The following PLXNC1 variants were observed in gnomAD, a reference collection of about 807,000 sequenced individuals.
PLXNC1 encodes the protein plexin-C1.
PLXNC1 carries 75 observed loss-of-function variants against 178.2 expected under a neutral mutation model. The ratio of observed to expected loss-of-function variants is 0.42; its 90% CI spans 0.35 to 0.51. PLXNC1 has a LOEUF of 0.51. PLXNC1 is among the 20% of genes least tolerant of loss of function. The pLI is 0.02. For synonymous variants in PLXNC1, 790 were observed against 779.9 expected (o/e 1.01, Z -0.22); for missense variants, 1,503 against 1,984.4 (o/e 0.76, Z 4.61).
chr12:94,254,341 T>C, intron 15 of PLXNC1: 1 of 365,568 alleles, frequency 2.7e-6, no homozygotes, highest in South Asian at 2.1e-5. Flanking sequence ...TGTAGCCAAC[T>C]GTGGATCTGC....
At chr12:94,264,062 C>T (rs1001478629) in intron 20 of PLXNC1, among the ~76,000 whole-genome samples, 20 of 152,064 alleles carry the variant, frequency 1.3e-4, no homozygotes, top group African/African-American at 2.4e-4. Flanking sequence ...GCTGGCCTTT[C>T]GTCATCACTA....
At chr12:94,152,271 A>G (rs1960989860) in intron 1 of PLXNC1, among the ~76,000 whole-genome samples, 2 of 152,230 alleles carry the variant, frequency 1.3e-5, no homozygotes, top group Non-Finnish European at 2.9e-5. Flanking sequence ...AGGAGTTTGA[A>G]TGAAAAAGGG....
At chr12:94,175,585 C>T (rs941289867) in intron 2 of PLXNC1, among the ~76,000 whole-genome samples, 2 of 152,142 alleles carry the variant, frequency 1.3e-5, no homozygotes, top group Non-Finnish European at 1.5e-5. Context: ...CATGAGGCTT[C>T]AGGAAGACAT....
At chr12:94,224,043 G>A (rs370140493) in intron 6 of PLXNC1, among the ~76,000 whole-genome samples, 185 bp from the exon 7 acceptor site, 3 of 152,168 alleles carry the variant, frequency 2.0e-5, no homozygotes, top group East Asian at 3.8e-4. Context: ...TGTGCACTTC[G>A]GCTGCCTGAT....
chr12:94,158,396 C>A (rs1435039870), intron 1 of PLXNC1, among the ~76,000 whole-genome samples: 1 of 152,292 alleles, frequency 6.6e-6, no homozygotes, highest in East Asian at 1.9e-4. Context: ...ATGAGACGGG[C>A]AAAGGTGGTT....
At chr12:94,252,783 C>T (rs1964733035) in intron 15 of PLXNC1, among the ~76,000 whole-genome samples, 1 of 152,194 alleles carries the variant, frequency 6.6e-6, no homozygotes, top group South Asian at 2.1e-4. Flanking sequence ...CATATTGTCT[C>T]CACCTAGGCC....
At chr12:94,190,532 C>T (rs760385212) in intron 4 of PLXNC1, among the ~76,000 whole-genome samples, 21 of 152,202 alleles carry the variant, frequency 1.4e-4, no homozygotes, top group Non-Finnish European at 2.5e-4. Flanking sequence ...TGGGCCACCA[C>T]ACCTGGCCAA....
At chr12:94,296,408 G>A (rs1445625039) in intron 24 of PLXNC1, among the ~76,000 whole-genome samples, 1 of 152,154 alleles carries the variant, frequency 6.6e-6, no homozygotes, top group African/African-American at 2.4e-5. Flanking sequence ...CAGTCCTCCT[G>A]CCTTGGCTTC....
chr12:94,192,032 T>C (rs578166229), intron 4 of PLXNC1, among the ~76,000 whole-genome samples: 22 of 152,296 alleles, frequency 1.4e-4, no homozygotes, highest in African/African-American at 4.6e-4. Flanking sequence ...AACCAATGAA[T>C]GGGTGAGGTT....
chr12:94,243,906 G>T, intron 11 of PLXNC1, 32 bp from the exon 12 acceptor site: 1 of 1,150,648 alleles, frequency 8.7e-7, no homozygotes, highest in East Asian at 2.4e-5. Flanking sequence ...TGTTAGCTAT[G>T]AAACCCTTAT....
intron 15 of PLXNC1, among the ~76,000 whole-genome samples, chr12:94,254,296 A>T (rs534101907): frequency 6.6e-6 from 1 of 152,194 alleles, no homozygotes; most frequent in African/African-American, 2.4e-5. Flanking sequence ...CTCGCTCATC[A>T]TGTCACCCCA....
chr12:94,279,657 G>A lies in PLXNC1; in HGVS notation c.3775+8G>A, dbSNP rs1966278240. On this transcript the variant is annotated splice_region_variant and intron_variant, in intron 22 of 30. Coordinates refer to ENST00000258526, the MANE Select transcript of PLXNC1 (RefSeq NM_005761.3). The stretch of plus-strand genomic sequence containing the variant: ...TTAATGAAATTGGTCTTGGTAAGGC[G>A]GTGCGGGAGCTATGTGGTCCCAGGC... The A allele has an allele frequency of 1.2e-6, 2 of 1,613,442 alleles. No individual in the cohort carries two copies. Among genetic ancestry groups the A allele is most frequent in the Admixed American group, 1.7e-5 (1 of 60,006 alleles).
intron 11 of PLXNC1, among the ~76,000 whole-genome samples, chr12:94,240,867 C>G (rs1964368227): frequency 6.6e-6 from 1 of 152,142 alleles, no homozygotes; most frequent in African/African-American, 2.4e-5. Context: ...ATGAGCACAC[C>G]TTTTTCCCTT....
At position 94,237,704 on chromosome 12, in the gene PLXNC1, C is replaced by A; in HGVS notation, c.2021C>A (p.Thr674Lys). Reference sequence around the variant, plus strand: ...TCCATTGAGCCACAGAAAGTATCGACATTAGGGAAAAGCAACGTGATAGTA... The same window carrying A: ...TCCATTGAGCCACAGAAAGTATCGAAATTAGGGAAAAGCAACGTGATAGTA... ...IKSIEPQKVSTLGKSNVIVTG... is the reference protein window; with the variant it reads ...IKSIEPQKVSKLGKSNVIVTG... Residue 674 changes from threonine (T) to lysine (K), a missense_variant, in exon 10 of 31, where the codon ACA becomes AAA. Coordinates refer to ENST00000258526, the MANE Select transcript of PLXNC1 (RefSeq NM_005761.3). The A allele has an allele frequency of 6.2e-7, 1 of 1,613,832 alleles. No individual in the cohort carries two copies. The highest frequency in any genetic ancestry group is 8.5e-7 in the Non-Finnish European group (1 of 1,179,772).
chr12:94,234,555 C>T (rs1040850116), intron 9 of PLXNC1, among the ~76,000 whole-genome samples: 7 of 152,280 alleles, frequency 4.6e-5, no homozygotes, highest in South Asian at 2.1e-4. Flanking sequence ...GTCTTTAAAA[C>T]GTAACCTACA....
Position 94,260,639 on chromosome 12 carries a change from C to T in PLXNC1, c.3252-3C>T. ...TGGTTCACCCAGCTCTCTTTTTCAACAGGTGTCTGTTTGCCTCCTTCCTAA... is the reference window on the plus strand; with the variant it reads ...TGGTTCACCCAGCTCTCTTTTTCAATAGGTGTCTGTTTGCCTCCTTCCTAA... On this transcript the variant is annotated splice_polypyrimidine_tract_variant and splice_region_variant and intron_variant, in intron 19 of 30. Coordinates refer to ENST00000258526, the MANE Select transcript of PLXNC1 (RefSeq NM_005761.3). This position sits in a 1 kb window ranked among gnomAD's most constrained non-coding sequence, Gnocchi z 4.4. 1.2e-6 allele frequency: 2 copies of T among 1,610,416 alleles called. No homozygotes were observed. Among genetic ancestry groups the T allele is most frequent in the Non-Finnish European group, 1.7e-6 (2 of 1,177,822 alleles).
chr12:94,194,491 T>C (rs1466263964), intron 4 of PLXNC1, among the ~76,000 whole-genome samples: 2 of 152,124 alleles, frequency 1.3e-5, no homozygotes, highest in African/African-American at 2.4e-5. Context: ...AGGCACATAA[T>C]CCTGGGATTA....
chr12:94,162,269 G>A (rs979099862), intron 1 of PLXNC1, among the ~76,000 whole-genome samples: 1 of 152,180 alleles, frequency 6.6e-6, no homozygotes, highest in East Asian at 1.9e-4. Flanking sequence ...GGGGGGTGGG[G>A]CTAGAAGAAG....
chr12:94,291,466 A>G (rs1482469142), intron 23 of PLXNC1, among the ~76,000 whole-genome samples: 3 of 152,172 alleles, frequency 2.0e-5, no homozygotes, highest in Non-Finnish European at 4.4e-5. Context: ...CCTAGGATCA[A>G]GCAATCCTAC....
Sources: gnomAD v4.1 joint callset for allele counts (sites outside exome capture counted in the v4.1 genomes callset) on GRCh38, gnomAD v4.1.1 for gene constraint, Gnocchi (gnomAD v3.1) non-coding constraint, MANE v1.5 for transcripts, NCBI Gene and HGNC (gene_info 2026-07-23, HGNC 2026-07-21) for gene names.